Variants in STRN4 observed in about 807,000 individuals in gnomAD.
STRN4 encodes the protein striatin 4, also known as striatin-4.
Under a neutral mutation model 77.9 loss-of-function variants are expected in STRN4, and 27 were observed. The observed-to-expected ratio is 0.35, with a 90% confidence interval of 0.26 to 0.48. The LOEUF (loss-of-function observed/expected upper bound fraction) is 0.48, where lower values mean the gene tolerates loss of function less well. Among genes scored for constraint, STRN4 ranks in the 20% least tolerant of loss-of-function variants. STRN4 has a pLI of 0.99. For synonymous variants in STRN4, 466 were observed against 443.1 expected (o/e 1.05, Z -0.65); for missense variants, 798 against 1,049.7 (o/e 0.76, Z 3.31).
At chr19:46,726,789 T>C (rs1370746195) in intron 9 of STRN4, among the ~76,000 whole-genome samples, 2 of 152,108 alleles carry the variant, frequency 1.3e-5, no homozygotes, top group Non-Finnish European at 2.9e-5. Flanking sequence ...CCACAGTTCT[T>C]TAGGGTCAGA....
In STRN4 at chr19:46,721,996, C is replaced by T. The variant is rs781471097; in HGVS notation, c.2082G>A (p.Leu694=). 1.2e-6 allele frequency: 2 copies of T among 1,613,692 alleles called. No homozygotes were observed. Among genetic ancestry groups the T allele is most frequent in the African/African-American group, 1.3e-5 (1 of 74,938 alleles). The change falls in exon 16 of 18, where the codon CTG becomes CTA. Residue 694 remains leucine, a synonymous_variant. Coordinates refer to ENST00000263280, the MANE Select transcript of STRN4 (RefSeq NM_013403.3). ...GTGTGCTCAACTTACTTCCTGACAT[C>T]AGGAATGCGCCGTTGGGGTCCACGG... is the stretch of plus-strand genomic sequence containing the variant. ...CLAVDPNGAF[L]MSGSHDCSLR...
intron 14 of STRN4, among the ~76,000 whole-genome samples, chr19:46,722,608 G>T (rs552675472): frequency 2.0e-5 from 3 of 152,324 alleles, no homozygotes; most frequent in African/African-American, 7.2e-5. Flanking sequence ...GCCCTGACGC[G>T]CTCTCCCCAC....
chr19:46,728,061 G>A, intron 7 of STRN4, 54 bp from the exon 8 acceptor site: 1 of 1,533,144 alleles, frequency 6.5e-7, no homozygotes, highest in African/African-American at 1.4e-5. Flanking sequence ...ACCCAGTCTG[G>A]CATAGGTGAC....
At chr19:46,744,690 C>T (rs1002884347) in intron 1 of STRN4, among the ~76,000 whole-genome samples, 3 of 151,914 alleles carry the variant, frequency 2.0e-5, no homozygotes, top group Non-Finnish European at 4.4e-5. Flanking sequence ...CCATCCCTAC[C>T]GACACAATTC....
rs2122316358 is a variant in STRN4, at chr19:46,733,058, T to A, written c.718A>T (p.Ile240Phe). 6.2e-7 allele frequency: 1 copy of A among 1,611,526 alleles called. No homozygotes were observed. The highest frequency in any genetic ancestry group is 1.1e-5 in the South Asian group (1 of 91,038). Residue 240 changes from isoleucine to phenylalanine, a missense_variant, in exon 5 of 18, where the codon ATC becomes TTC. By Grantham distance (21) the Ile-to-Phe change is conservative. This residue lies in a region of STRN4 where 511 missense variants were observed against 575.9 expected (regional missense o/e 0.89). Transcript: ENST00000263280. This position sits in a 1 kb window ranked among gnomAD's most constrained non-coding sequence, Gnocchi z 4.3. Reference protein sequence around the residue: ...SGGESLLVKQIEEQIKRNAAG... With the variant: ...SGGESLLVKQFEEQIKRNAAG... ...GCTCACCTCTTTATCTGCTCCTCGA[T>A]CTGTTTCACCAGCAGCGACTCCCCA...
intron 1 of STRN4, 115 bp downstream of exon 1, chr19:46,746,034 C>A (rs2054588503): frequency 8.2e-7 from 1 of 1,219,680 alleles, no homozygotes; most frequent in South Asian, 2.2e-5. Context: ...CCCTCCCGCC[C>A]CCCCGCCGGC....
intron 6 of STRN4, among the ~76,000 whole-genome samples, chr19:46,730,425 GAAAGGGGACCTAGGC>G (rs2054221690): frequency 6.6e-6 from 1 of 150,756 alleles, no homozygotes; most frequent in South Asian, 2.1e-4. Context: ...AAGGAGGAAA[GAAAGGGGACCTAGGC>G]AAAGGGACCC....
In STRN4 at chr19:46,723,752, C is replaced by T. The variant is rs916689302; in HGVS notation, c.1595-468G>A. 6.4e-4 allele frequency among the ~76,000 whole-genome samples: 97 copies of T among 152,168 alleles called. 1 individual carries two copies. Among genetic ancestry groups the T allele is most frequent in the African/African-American group, 2.1e-3 (89 of 41,450 alleles). On this transcript the variant is annotated intron_variant, in intron 12 of 17. Transcript: ENST00000263280. This position sits in a 1 kb window ranked among gnomAD's most constrained non-coding sequence, Gnocchi z 5.5. The stretch of plus-strand genomic sequence containing the variant: ...AAAGCCCCCTGGTCATTCAGAGGTC[C>T]AATCACTGCTTCCCTGGTTGCTGGA...
chr19:46,736,993 C>A, intron 3 of STRN4, 92 bp from the exon 4 acceptor site: 1 of 1,266,126 alleles, frequency 7.9e-7, no homozygotes, highest in Non-Finnish European at 1.1e-6. Flanking sequence ...CAACCCAAAT[C>A]GGTCACTGTC....
intron 4 of STRN4, among the ~76,000 whole-genome samples, chr19:46,734,158 G>A (rs1391380815): frequency 6.6e-6 from 1 of 152,202 alleles, no homozygotes; most frequent in Non-Finnish European, 1.5e-5. Context: ...GCTGGGCACT[G>A]GGGGCAGATT....
In STRN4 at chr19:46,722,004, C is replaced by T. The variant is rs377115014; in HGVS notation, c.2074G>A (p.Ala692Thr). ...VTCLAVDPNG[A>T]FLMSGSHDCS... ...AACTTACTTCCTGACATCAGGAATG[C>T]GCCGTTGGGGTCCACGGCTAGGCAG... The change falls in exon 16 of 18, where the codon GCA becomes ACA. Residue 692 changes from alanine (A) to threonine (T), a missense_variant. Physicochemically the swap from Ala to Thr is moderately conservative, Grantham distance 58 (BLOSUM62 0). Coordinates refer to ENST00000263280, the MANE Select transcript of STRN4 (RefSeq NM_013403.3). 119 of 1,613,652 alleles carry T rather than the reference C, an allele frequency of 7.4e-5. No individual in the cohort carries two copies. Among genetic ancestry groups the T allele is most frequent in the East Asian group, 8.9e-5 (4 of 44,890 alleles).
In STRN4 at chr19:46,720,798, G is replaced by T. The variant is rs774349887; in HGVS notation, c.2093-27C>A. On this transcript the variant is annotated intron_variant, in intron 16 of 17. Transcript: ENST00000263280. The stretch of plus-strand genomic sequence containing the variant: ...TGCACATGTGTCGGGGACAGAAGGG[G>T]TGGTCACTGGGCTCCTCGCTCAGAC... 9 of 1,527,466 alleles carry T rather than the reference G, an allele frequency of 5.9e-6. No individual in the cohort carries two copies. In the South Asian group the frequency reaches 1.0e-4, roughly 17 times the overall value. 94.6% of individuals were successfully genotyped at this position (1,527,466 alleles called of 1,614,324 possible).
intron 10 of STRN4, 22 bp downstream of exon 10, chr19:46,725,451 G>A: frequency 6.2e-7 from 1 of 1,613,756 alleles, no homozygotes; most frequent in Non-Finnish European, 8.5e-7. Flanking sequence ...CCTGCCCCCG[G>A]CTCTGAGCTT....
intron 1 of STRN4, among the ~76,000 whole-genome samples, chr19:46,745,409 C>T (rs1457111770): frequency 6.6e-6 from 1 of 152,174 alleles, no homozygotes; most frequent in Non-Finnish European, 1.5e-5. Flanking sequence ...CAAAGTTTCT[C>T]CTCAGAGGGG....
At position 46,727,518 on chromosome 19, in the gene STRN4, G is replaced by GC. The variant is rs755610535; in HGVS notation, c.1181dup (p.Gly395ArgfsTer25). On this transcript the variant is annotated frameshift_variant, in exon 9 of 18. Coordinates refer to ENST00000263280, the MANE Select transcript of STRN4 (RefSeq NM_013403.3). LOFTEE classifies it high-confidence loss of function. ...CCAAGTCCCCCAGGCTCACCTCCCC[G>GC]CCCCCGATAGTGTCCATGATGAAGA... 6.2e-7 allele frequency: 1 copy of GC among 1,613,952 alleles called. No homozygotes were observed. Among genetic ancestry groups the GC allele is most frequent in the Non-Finnish European group, 8.5e-7 (1 of 1,179,920 alleles).
chr19:46,728,877 T>C (rs2054185668), intron 6 of STRN4, 100 bp from the exon 7 acceptor site: 1 of 1,518,722 alleles, frequency 6.6e-7, no homozygotes, highest in Non-Finnish European at 8.9e-7. Flanking sequence ...CTGGGCCCGT[T>C]TCTGTTCATG....
intron 9 of STRN4, among the ~76,000 whole-genome samples, chr19:46,726,649 C>T (rs1345957625): frequency 5.3e-5 from 8 of 152,232 alleles, no homozygotes; most frequent in Non-Finnish European, 8.8e-5. Flanking sequence ...GCCCTGGTGC[C>T]GCTCACCCAG....
rs766278463 is a variant in STRN4 at position 46,730,880 on chromosome 19, AAG to A, written c.738-9_738-8del. 8.1e-5 allele frequency: 130 copies of A among 1,609,798 alleles called. No homozygotes were observed. Among genetic ancestry groups the A allele is most frequent in the Non-Finnish European group, 1.0e-4 (123 of 1,179,948 alleles). On this transcript the variant is annotated splice_region_variant and splice_polypyrimidine_tract_variant and intron_variant, in intron 5 of 17. Transcript: ENST00000263280. The stretch of plus-strand genomic sequence containing the variant: ...ATCTTTGCCTGCCGCGTTCCTGCCA[AAG>A]ACAGCAGAGCAGAGGAGGCATGAGT...
At chr19:46,726,821 A>G in intron 9 of STRN4, among the ~76,000 whole-genome samples, 1 of 151,626 alleles carries the variant, frequency 6.6e-6, no homozygotes, top group South Asian at 2.1e-4. Flanking sequence ...TGTGTGGTTC[A>G]CTCACCCCCT....
Sources: gnomAD v4.1 joint callset for allele counts (sites outside exome capture counted in the v4.1 genomes callset) on GRCh38, gnomAD v4.1.1 for gene constraint, gnomAD v4.1.1 regional missense constraint, Gnocchi (gnomAD v3.1) non-coding constraint, MANE v1.5 for transcripts, NCBI Gene and HGNC (gene_info 2026-07-23, HGNC 2026-07-21) for gene names.